DPP10: variants seen among roughly 807,000 people sequenced by gnomAD.
DPP10 encodes the protein dipeptidyl peptidase like 10.
DPP10 carries 33 observed loss-of-function variants against 120.9 expected under a neutral mutation model. That is an observed-to-expected ratio of 0.27 (90% CI 0.21 to 0.37). DPP10 has a LOEUF of 0.37. Among genes scored for constraint, DPP10 ranks in the 10% least tolerant of loss-of-function variants. The probability of loss-of-function intolerance (pLI) is 1.00; values close to 1 mark genes in which losing one functional copy is unlikely to be tolerated. For missense variants in DPP10, 816 were observed against 942.8 expected (o/e 0.87, Z 1.76); for synonymous variants, 337 against 326.1 (o/e 1.03, Z -0.36).
chr2:115,199,313 T>C (rs2055520399), intron 1 of DPP10, among the ~76,000 whole-genome samples: 1 of 124,252 alleles, frequency 8.0e-6, no homozygotes, highest in South Asian at 2.6e-4. Flanking sequence ...TTGGGATCTG[T>C]TGTGTATTTG....
At chr2:115,547,103 C>T (rs570214876) in intron 5 of DPP10, among the ~76,000 whole-genome samples, 1 of 152,174 alleles carries the variant, frequency 6.6e-6, no homozygotes, top group South Asian at 2.1e-4. Context: ...CATGAAATGT[C>T]ACCTAGTATC....
At chr2:115,558,484 C>T (rs1297386162) in intron 5 of DPP10, among the ~76,000 whole-genome samples, 1 of 152,040 alleles carries the variant, frequency 6.6e-6, no homozygotes, top group East Asian at 1.9e-4. Flanking sequence ...AATGCTATTA[C>T]CAATCTCAGG....
chr2:115,202,970 C>A (rs1440686096), intron 1 of DPP10, among the ~76,000 whole-genome samples: 1 of 152,068 alleles, frequency 6.6e-6, no homozygotes, highest in Admixed American at 6.6e-5. Flanking sequence ...CAAAAAACAA[C>A]AACAACAAAA....
intron 1 of DPP10, among the ~76,000 whole-genome samples, chr2:114,860,392 A>G (rs1454361625): frequency 6.6e-6 from 1 of 152,238 alleles, no homozygotes; most frequent in African/African-American, 2.4e-5. Context: ...ATTTTAAAAT[A>G]GGAGCATTGG....
intron 5 of DPP10, among the ~76,000 whole-genome samples, chr2:115,641,120 A>G (rs1433949683): frequency 2.0e-5 from 3 of 152,108 alleles, no homozygotes; most frequent in Non-Finnish European, 4.4e-5. Flanking sequence ...TAATATCCCA[A>G]ATCCAGCGGC....
intron 1 of DPP10, among the ~76,000 whole-genome samples, chr2:115,114,147 G>C (rs1419766976): frequency 6.6e-6 from 1 of 152,094 alleles, no homozygotes; most frequent in Non-Finnish European, 1.5e-5. Flanking sequence ...ACTAGTGTCA[G>C]CGAACTTTCT....
intron 1 of DPP10, among the ~76,000 whole-genome samples, chr2:114,563,498 C>G (rs916134411): frequency 1.1e-4 from 16 of 152,074 alleles, no homozygotes; most frequent in Non-Finnish European, 2.2e-4. Context: ...TGAATTTTTC[C>G]AAATTTCCTG....
chr2:114,551,303 G>A (rs1403460447), intron 1 of DPP10, among the ~76,000 whole-genome samples: 1 of 152,016 alleles, frequency 6.6e-6, no homozygotes, highest in East Asian at 1.9e-4. Context: ...CATCATGCCC[G>A]CTGCCCCCCT....
At chr2:114,907,196 A>T (rs1694038148) in intron 1 of DPP10, among the ~76,000 whole-genome samples, 1 of 151,462 alleles carries the variant, frequency 6.6e-6, no homozygotes, top group African/African-American at 2.4e-5. Flanking sequence ...AGTCTTCTTT[A>T]TTTTTTTTCT....
intron 3 of DPP10, among the ~76,000 whole-genome samples, chr2:115,458,858 CAT>C (rs1316482475): frequency 6.6e-6 from 1 of 152,086 alleles, no homozygotes. Context: ...TAATGTTAAA[CAT>C]GTAAAATATA....
chr2:115,681,315 A>G (rs187561092), intron 5 of DPP10, among the ~76,000 whole-genome samples: 96 of 151,812 alleles, frequency 6.3e-4, no homozygotes, highest in South Asian at 1.7e-3. Flanking sequence ...GTAAATACAT[A>G]TATTATAATA....
chr2:115,569,935 A>C (rs1011229620), intron 5 of DPP10, among the ~76,000 whole-genome samples: 6 of 3,900 alleles, frequency 1.5e-3, no homozygotes, highest in Non-Finnish European at 0.011. Context: ...CTAGTTATTA[A>C]AATTAGATAA....
chr2:115,224,662 T>A (rs2057345853), intron 1 of DPP10, among the ~76,000 whole-genome samples: 1 of 152,190 alleles, frequency 6.6e-6, no homozygotes, highest in Non-Finnish European at 1.5e-5. Context: ...CTAACAGTAA[T>A]TTTTAAGTGT....
intron 3 of DPP10, among the ~76,000 whole-genome samples, chr2:115,371,450 T>G (rs1464759615): frequency 6.6e-6 from 1 of 152,184 alleles, no homozygotes; most frequent in Non-Finnish European, 1.5e-5. Flanking sequence ...AAACACCACT[T>G]GAAGATCATT....
chr2:115,837,344 T>C (rs1208889898), intron 24 of DPP10, among the ~76,000 whole-genome samples: 1 of 152,188 alleles, frequency 6.6e-6, no homozygotes, highest in African/African-American at 2.4e-5. Context: ...ATGACACTCT[T>C]AGGGACCAAA....
intron 3 of DPP10, among the ~76,000 whole-genome samples, chr2:115,463,393 A>C (rs2074111321): frequency 6.6e-6 from 1 of 152,198 alleles, no homozygotes; most frequent in African/African-American, 2.4e-5. Flanking sequence ...AAATGTGTAT[A>C]GTTTTAACAT....
chr2:114,748,189 GTTTTTGTT>G (rs969674697), intron 1 of DPP10, among the ~76,000 whole-genome samples: 1 of 151,674 alleles, frequency 6.6e-6, no homozygotes, highest in African/African-American at 2.4e-5. Flanking sequence ...ATCTGTTTTC[GTTTTTGTT>G]TTTTTGTTTT....
At chr2:115,358,585 G>A (rs1173286447) in intron 3 of DPP10, among the ~76,000 whole-genome samples, 1 of 152,080 alleles carries the variant, frequency 6.6e-6, no homozygotes, top group African/African-American at 2.4e-5. Context: ...GTTTTAACCT[G>A]TGCCTGTTAC....
At chr2:114,601,665 C>A (rs1692377338) in intron 1 of DPP10, among the ~76,000 whole-genome samples, 1 of 151,952 alleles carries the variant, frequency 6.6e-6, no homozygotes, top group Non-Finnish European at 1.5e-5. Flanking sequence ...TTTGAAACTT[C>A]GTGAAGCTTG....
Sources: allele counts gnomAD v4.1 joint callset (sites outside exome capture counted in the v4.1 genomes callset), GRCh38; gene constraint gnomAD v4.1.1; transcripts MANE v1.5; gene names NCBI Gene and HGNC (gene_info 2026-07-23, HGNC 2026-07-21).